PTPRK: variants seen among roughly 807,000 people sequenced by gnomAD.
PTPRK encodes the protein protein tyrosine phosphatase receptor type K.
In PTPRK, 75 loss-of-function variants were observed where a neutral mutation model predicts 178.0. The observed-to-expected ratio is 0.42, with a 90% CI of 0.35 to 0.51. PTPRK has a LOEUF of 0.51. Ranked by LOEUF, PTPRK falls within the 20% of genes least tolerant of loss-of-function variation. PTPRK has a pLI of 0.02. For synonymous variants in PTPRK, 637 were observed against 620.6 expected (o/e 1.03, Z -0.39); for missense variants, 1,441 against 1,797.8 (o/e 0.80, Z 3.59).
At chr6:128,417,257 G>A (rs1026303438) in intron 1 of PTPRK, among the ~76,000 whole-genome samples, 4 of 152,038 alleles carry the variant, frequency 2.6e-5, no homozygotes, top group African/African-American at 9.7e-5. Flanking sequence ...GAATAAGAGA[G>A]CCAAGAAGTT....
intron 1 of PTPRK, among the ~76,000 whole-genome samples, chr6:128,424,872 T>C (rs1040869259): frequency 6.6e-6 from 1 of 152,150 alleles, no homozygotes; most frequent in African/African-American, 2.4e-5. Flanking sequence ...TTTAAGAATC[T>C]AAAAACCATG....
At chr6:128,195,255 A>C (rs1804664886) in intron 6 of PTPRK, among the ~76,000 whole-genome samples, 1 of 152,014 alleles carries the variant, frequency 6.6e-6, no homozygotes, top group Non-Finnish European at 1.5e-5. Context: ...CCCCAGGTCT[A>C]AACACTCCAT....
chr6:128,451,616 C>T (rs753223165), intron 1 of PTPRK, among the ~76,000 whole-genome samples: 2 of 151,742 alleles, frequency 1.3e-5, no homozygotes, highest in African/African-American at 4.8e-5. Context: ...AAAAAAGCCT[C>T]GGTAAATTTT....
chr6:128,102,668 G>A (rs1392994017), intron 7 of PTPRK, among the ~76,000 whole-genome samples: 1 of 152,182 alleles, frequency 6.6e-6, no homozygotes, highest in African/African-American at 2.4e-5. Context: ...ACTTTTGAAT[G>A]TTAATCTCCA....
In PTPRK at chr6:128,348,624, G is replaced by A. The variant is rs144635184; in HGVS notation, c.224-26314C>T. Reference sequence around the variant, plus strand: ...TTAGTTTGTTAACAAATGTATGATCGATTTTTATTTTTCCCTATTTCCATT... The same window carrying A: ...TTAGTTTGTTAACAAATGTATGATCAATTTTTATTTTTCCCTATTTCCATT... On this transcript the variant is annotated intron_variant, in intron 2 of 29. Coordinates refer to ENST00000368226, the MANE Select transcript of PTPRK (RefSeq NM_002844.4). Among the ~76,000 whole-genome samples the A allele has an allele frequency of 5.9e-3, 899 of 151,974 alleles. 10 individuals are homozygous for A. Among genetic ancestry groups the A allele is most frequent in the Non-Finnish European group, 9.1e-3 (616 of 67,858 alleles).
intron 3 of PTPRK, among the ~76,000 whole-genome samples, chr6:128,275,865 T>C (rs1468628780): frequency 2.0e-5 from 3 of 152,042 alleles, no homozygotes; most frequent in Non-Finnish European, 4.4e-5. Context: ...TAAGGTTCTT[T>C]CAAAATTTAA....
chr6:128,254,392 C>T (rs1011686094), intron 3 of PTPRK, among the ~76,000 whole-genome samples: 2 of 151,988 alleles, frequency 1.3e-5, no homozygotes, highest in Non-Finnish European at 2.9e-5. Flanking sequence ...AGAGATGTAA[C>T]AAACAATACG....
At chr6:128,005,334 G>A in intron 14 of PTPRK, 90 bp from the exon 15 acceptor site, 4 of 1,293,134 alleles carry the variant, frequency 3.1e-6, no homozygotes, top group Non-Finnish European at 4.3e-6. Flanking sequence ...TGAGCCCGAG[G>A]ATAATGTTAC....
intron 7 of PTPRK, among the ~76,000 whole-genome samples, chr6:128,175,983 C>A (rs1295716600): frequency 6.6e-6 from 1 of 151,720 alleles, no homozygotes; most frequent in Non-Finnish European, 1.5e-5. Context: ...TCCAAACATG[C>A]ACAATGCACA....
chr6:128,296,697 C>T (rs1314516847), intron 3 of PTPRK, among the ~76,000 whole-genome samples: 2 of 152,104 alleles, frequency 1.3e-5, no homozygotes, highest in Non-Finnish European at 2.9e-5. Flanking sequence ...CACCACCAGG[C>T]CTGCCCTAAA....
intron 1 of PTPRK, among the ~76,000 whole-genome samples, chr6:128,404,457 AAGAATAGTT>A (rs1320215260): frequency 6.6e-6 from 1 of 152,254 alleles, no homozygotes; most frequent in Non-Finnish European, 1.5e-5. Context: ...AAATAAAATG[AAGAATAGTT>A]AGGTAAATCA....
At chr6:128,407,633 C>CAAAAAAAAAAAAAAAAAA (rs56189580) in intron 1 of PTPRK, among the ~76,000 whole-genome samples, 1 of 97,792 alleles carries the variant, frequency 1.0e-5, no homozygotes, top group African/African-American at 4.1e-5. Flanking sequence ...AAGACCCTAT[C>CAAAAAAAAAAAAAAAAAA]AAAAAAAAAA....
chr6:128,055,231 C>T (rs1341104013), intron 13 of PTPRK, among the ~76,000 whole-genome samples: 1 of 152,076 alleles, frequency 6.6e-6, no homozygotes, highest in African/African-American at 2.4e-5. Context: ...TTCCAGTAAA[C>T]AGCCCTCAAA....
chr6:128,347,591 C>A lies in PTPRK; in HGVS notation c.224-25281G>T, dbSNP rs151229995. ...TGGTTTTCATTTAAACTGTAAAAGT[C>A]CCCATGTGAGTATGTGTATGAGGGG... On this transcript the variant is annotated intron_variant, in intron 2 of 29. Coordinates refer to ENST00000368226, the MANE Select transcript of PTPRK (RefSeq NM_002844.4). Among the ~76,000 whole-genome samples, 13 of 152,084 alleles carry A rather than the reference C, an allele frequency of 8.5e-5. 1 individual carries two copies. The South Asian group carries it at 2.1e-3, about 24-fold the overall frequency.
chr6:128,117,615 T>C (rs1321586512), intron 7 of PTPRK, among the ~76,000 whole-genome samples: 1 of 152,200 alleles, frequency 6.6e-6, no homozygotes, highest in Non-Finnish European at 1.5e-5. Context: ...GCACAGCTTT[T>C]CTTTTATGCA....
intron 1 of PTPRK, among the ~76,000 whole-genome samples, chr6:128,515,465 A>C (rs1367420710): frequency 6.6e-6 from 1 of 152,182 alleles, no homozygotes; most frequent in African/African-American, 2.4e-5. Context: ...CTTTTTAGGC[A>C]AAAAGAAACA....
Position 127,969,929 on chromosome 6 carries a change from A to G in PTPRK, c.*298T>C. On this transcript the variant is annotated 3_prime_UTR_variant, in exon 30 of 30. Coordinates refer to ENST00000368226, the MANE Select transcript of PTPRK (RefSeq NM_002844.4). ...GTAGCTGCTCTACTGAAACCATGAG[A>G]AAAAAGGTGGCATGTTCACTGTACA... The G allele has an allele frequency of 4.3e-6, 1 of 234,384 alleles. No homozygotes were observed. The highest frequency in any genetic ancestry group is 8.2e-6 in the Non-Finnish European group (1 of 122,390). The allele number at this position is 234,384 out of a possible 1,614,324, so 14.5% of individuals were successfully genotyped here.
chr6:128,394,926 C>T (rs952706468), intron 2 of PTPRK, among the ~76,000 whole-genome samples: 18 of 152,152 alleles, frequency 1.2e-4, no homozygotes, highest in African/African-American at 4.3e-4. Context: ...CACCAAGTAT[C>T]ACACAGTTCA....
intron 7 of PTPRK, among the ~76,000 whole-genome samples, chr6:128,091,869 T>C (rs1222762976): frequency 6.6e-6 from 1 of 152,162 alleles, no homozygotes; most frequent in East Asian, 1.9e-4. Context: ...TTAACACTAT[T>C]TTGAAAGCAT....
Sources: gnomAD v4.1 joint callset for allele counts (sites outside exome capture counted in the v4.1 genomes callset) on GRCh38, gnomAD v4.1.1 for gene constraint, MANE v1.5 for transcripts, NCBI Gene and HGNC (gene_info 2026-07-23, HGNC 2026-07-21) for gene names.